LRTM1: variants seen among roughly 807,000 people sequenced by gnomAD.
LRTM1 encodes leucine rich repeat transmembrane protein 1.
LRTM1 carries 38 observed loss-of-function variants against 32.4 expected under a neutral mutation model. The observed-to-expected ratio is 1.17, with a 90% CI of 0.91 to 1.54. The LOEUF (loss-of-function observed/expected upper bound fraction) is 1.54. Among genes scored for constraint, LRTM1 ranks in the 40% most tolerant of loss-of-function variants. LRTM1 has a pLI of 0.00. For missense variants in LRTM1, 466 were observed against 415.4 expected (o/e 1.12, Z -1.06); for synonymous variants, 186 against 169.9 (o/e 1.09, Z -0.74).
intron 2 of LRTM1, 103 bp from the exon 3 acceptor site, chr3:54,918,995 C>CTTT: frequency 1.4e-6 from 1 of 707,918 alleles, no homozygotes. Context: ...TATGAAGTAC[C>CTTT]TTTTTTTTTT....
upstream of LRTM1, among the ~76,000 whole-genome samples, chr3:54,928,634 C>A (rs1048880567): frequency 9.2e-5 from 14 of 152,180 alleles, no homozygotes; most frequent in African/African-American, 3.1e-4. Flanking sequence ...GTGGACATCA[C>A]AACCTTCCTT....
At chr3:54,923,767 G>T (rs964314778) in intron 2 of LRTM1, among the ~76,000 whole-genome samples, 2 of 152,162 alleles carry the variant, frequency 1.3e-5, no homozygotes, top group African/African-American at 4.8e-5. Flanking sequence ...TCTCACCTGG[G>T]CTTCTGCTCT....
At chr3:54,942,223 G>A (rs571775556) in intron 1 of LRTM1, among the ~76,000 whole-genome samples, 12 of 152,186 alleles carry the variant, frequency 7.9e-5, no homozygotes, top group Admixed American at 3.3e-4. Flanking sequence ...TGCTTTTAAC[G>A]CCAGCCCATG....
chr3:54,928,251 T>C (rs910661843), upstream of LRTM1, among the ~76,000 whole-genome samples: 1 of 152,206 alleles, frequency 6.6e-6, no homozygotes, highest in South Asian at 2.1e-4. Flanking sequence ...CAAACCTTGG[T>C]GAACAGCTGT....
chr3:54,919,246 T>C (rs1162599605), intron 2 of LRTM1, among the ~76,000 whole-genome samples: 1 of 152,212 alleles, frequency 6.6e-6, no homozygotes, highest in Non-Finnish European at 1.5e-5. Flanking sequence ...GTGCCACGCA[T>C]GGTCCTAGTG....
chr3:54,921,767 G>A (rs1296343416), intron 2 of LRTM1, among the ~76,000 whole-genome samples: 1 of 152,174 alleles, frequency 6.6e-6, no homozygotes, highest in African/African-American at 2.4e-5. Context: ...ATGACTGCAT[G>A]GAATGCAGAC....
At chr3:54,921,868 T>A (rs910429542) in intron 2 of LRTM1, among the ~76,000 whole-genome samples, 4 of 152,242 alleles carry the variant, frequency 2.6e-5, no homozygotes, top group Admixed American at 1.3e-4. Context: ...GTTATGTCGG[T>A]TAGCCTGCCC....
intron 1 of LRTM1, among the ~76,000 whole-genome samples, chr3:54,960,492 T>C (rs148811102): frequency 6.6e-6 from 1 of 152,346 alleles, no homozygotes; most frequent in African/African-American, 2.4e-5. Context: ...AGAATTTTTT[T>C]TTCTAATTTC....
Position 54,928,047 on chromosome 3 carries a change from C to T in LRTM1, c.-136G>A, listed in dbSNP as rs1701077395. 1 of 786,354 alleles carries T rather than the reference C, an allele frequency of 1.3e-6. No homozygotes were observed. The highest frequency in any genetic ancestry group is 2.2e-6 in the Non-Finnish European group (1 of 460,094). 48.7% of individuals were successfully genotyped at this position (786,354 alleles called of 1,614,324 possible). A position where few individuals can be genotyped will look rare whatever the true frequency, so the allele number is the denominator to read the frequency against. On this transcript the variant is annotated 5_prime_UTR_variant, in exon 1 of 3. Transcript: ENST00000273286. Reference sequence around the variant, plus strand: ...TCTGAACCCTGCCCTTGCTTTTCTTCAATGCAGAAAACAGTTGTTGCTTTC... The same window carrying T: ...TCTGAACCCTGCCCTTGCTTTTCTTTAATGCAGAAAACAGTTGTTGCTTTC...
At chr3:54,962,080 T>C (rs1341567574) in intron 1 of LRTM1, among the ~76,000 whole-genome samples, 2 of 152,180 alleles carry the variant, frequency 1.3e-5, no homozygotes, top group Non-Finnish European at 2.9e-5. Context: ...CATTAATCTA[T>C]TAATAGATTA....
chr3:54,930,912 C>G (rs1701172070), upstream of LRTM1, among the ~76,000 whole-genome samples: 1 of 152,136 alleles, frequency 6.6e-6, no homozygotes, highest in Non-Finnish European at 1.5e-5. Context: ...GCCTGGCCAA[C>G]AAGGTGAAAC....
chr3:54,933,087 TCC>T (rs1701241029), intron 1 of LRTM1, among the ~76,000 whole-genome samples: 1 of 144,612 alleles, frequency 6.9e-6, no homozygotes, highest in Non-Finnish European at 1.5e-5. Flanking sequence ...CTTCCTTCCT[TCC>T]TTCCTTCCTT....
chr3:54,960,135 C>G lies in LRTM1; in HGVS notation c.-222+6793G>C, dbSNP rs558409704. On this transcript the variant is annotated intron_variant, in intron 1 of 2. Transcript: ENST00000493075. ...GAAATGTGTGGCCAAATGGATCAGG[C>G]CTTCCTACACTGGTTCCCAGAAGCC... Among the ~76,000 whole-genome samples the G allele has an allele frequency of 2.0e-5, 3 of 151,572 alleles. No homozygotes were observed. In the South Asian group the frequency reaches 6.3e-4, roughly 32 times the overall value.
intron 1 of LRTM1, among the ~76,000 whole-genome samples, chr3:54,943,547 A>G (rs1701531560): frequency 6.6e-6 from 1 of 152,136 alleles, no homozygotes; most frequent in African/African-American, 2.4e-5. Context: ...TATTATTTTA[A>G]TAGCATGGTA....
In LRTM1 at chr3:54,925,163, G is replaced by A; in HGVS notation, c.60C>T (p.Ser20=). The A allele has an allele frequency of 6.2e-7, 1 of 1,614,086 alleles. No individual in the cohort carries two copies. The highest frequency in any genetic ancestry group is 8.5e-7 in the Non-Finnish European group (1 of 1,180,006). The part of the protein sequence containing the change: ...SVIVLLQVVC[S]CPDKCYCQSS... ...ACTGACAGTAACACTTGTCCGGGCA[G>A]CTGCATACCACCTGGAGCAGGACAA... The change falls in exon 2 of 3, where the codon AGC becomes AGT. Residue 20 remains serine (S), a synonymous_variant. Transcript: ENST00000273286.
rs530671980 is a variant in LRTM1, at chr3:54,934,893, C to A, written c.-221-9678G>T. Reference sequence around the variant, plus strand: ...ATTACAGGCACACACCACCACACCCCGCTAATTTCTGTATTTATTTTCTAG... The same window carrying A: ...ATTACAGGCACACACCACCACACCCAGCTAATTTCTGTATTTATTTTCTAG... On this transcript the variant is annotated intron_variant, in intron 1 of 2. Coordinates refer to the LRTM1 transcript ENST00000493075. Among the ~76,000 whole-genome samples the A allele has an allele frequency of 1.4e-4, 21 of 152,094 alleles. 1 individual carries two copies. In the East Asian group the frequency reaches 3.9e-3, roughly 28 times the overall value.
At chr3:54,951,219 T>C (rs1374953888) in intron 1 of LRTM1, among the ~76,000 whole-genome samples, 1 of 152,194 alleles carries the variant, frequency 6.6e-6, no homozygotes, top group Non-Finnish European at 1.5e-5. Flanking sequence ...GTGCTGCACT[T>C]TGGTGCAAAA....
intron 1 of LRTM1, among the ~76,000 whole-genome samples, chr3:54,951,456 T>A (rs1170633498): frequency 6.6e-6 from 1 of 152,186 alleles, no homozygotes; most frequent in Non-Finnish European, 1.5e-5. Flanking sequence ...TTCTTTGGTG[T>A]GCGGCCCGGG....
rs1345234859 is a variant in LRTM1, at chr3:54,959,247, G to A, written c.-222+7681C>T. Among the ~76,000 whole-genome samples, 4 of 152,312 alleles carry A rather than the reference G, an allele frequency of 2.6e-5. No homozygotes were observed. The East Asian group carries it at 7.8e-4, about 30-fold the overall frequency. On this transcript the variant is annotated intron_variant, in intron 1 of 2. Coordinates refer to the LRTM1 transcript ENST00000493075. ...TCCCTGGAGACTGCGGCACAGGGTG[G>A]TGTTCAGTTCACCACAGTTCCCTGT...
Sources: allele counts gnomAD v4.1 joint callset (sites outside exome capture counted in the v4.1 genomes callset), GRCh38; gene constraint gnomAD v4.1.1; transcripts MANE v1.5; gene names NCBI Gene and HGNC (gene_info 2026-07-23, HGNC 2026-07-21).